The following RYK variants were observed in gnomAD, a reference collection of about 807,000 sequenced individuals.
RYK encodes inactive tyrosine-protein kinase RYK.
A neutral mutation model predicts 70.2 loss-of-function variants in RYK; 21 were observed. The ratio of observed to expected loss-of-function variants is 0.30; its 90% CI spans 0.21 to 0.43. The LOEUF (loss-of-function observed/expected upper bound fraction) is 0.43. Among genes scored for constraint, RYK ranks in the 20% least tolerant of loss-of-function variants. The probability of loss-of-function intolerance (pLI) is 1.00; values close to 1 mark genes in which losing one functional copy is unlikely to be tolerated. For synonymous variants in RYK, 267 were observed against 278.0 expected (o/e 0.96, Z 0.39); for missense variants, 604 against 753.3 (o/e 0.80, Z 2.32).
intron 13 of RYK, among the ~76,000 whole-genome samples, chr3:134,174,141 A>G (rs1468479661): frequency 6.6e-6 from 1 of 152,228 alleles, no homozygotes; most frequent in African/African-American, 2.4e-5. Flanking sequence ...ATGGAACCGC[A>G]AGCCAAAGAA....
At chr3:134,216,577 T>C (rs1327084519) in intron 2 of RYK, among the ~76,000 whole-genome samples, 3 of 151,318 alleles carry the variant, frequency 2.0e-5, no homozygotes, top group Admixed American at 6.6e-5. Flanking sequence ...TGGATCACGA[T>C]GTGAGGAAAT....
intron 12 of RYK, 77 bp from the exon 13 acceptor site, chr3:134,175,845 C>A: frequency 6.4e-7 from 1 of 1,556,970 alleles, no homozygotes; most frequent in African/African-American, 1.4e-5. Flanking sequence ...TTAAATACAA[C>A]ACAAGTCCCA....
intron 1 of RYK, among the ~76,000 whole-genome samples, chr3:134,229,708 T>C (rs1397287141): frequency 1.3e-5 from 2 of 151,776 alleles, no homozygotes; most frequent in East Asian, 1.9e-4. Flanking sequence ...CTAGAATATA[T>C]AAAGAACCAA....
At chr3:134,190,511 C>T (rs2013610573) in intron 8 of RYK, among the ~76,000 whole-genome samples, 1 of 150,580 alleles carries the variant, frequency 6.6e-6, no homozygotes, top group South Asian at 2.1e-4. Context: ...TCCTCCATAC[C>T]CGTCAACCTA....
rs566477213 is a variant in RYK at position 134,213,826 on chromosome 3, C to G, written c.355-2219G>C. On this transcript the variant is annotated intron_variant, in intron 2 of 14. Coordinates refer to ENST00000623711, the MANE Select transcript of RYK (RefSeq NM_002958.4). ...AAGTTTATAACTTCTTTTTTTGAGA[C>G]CGAGTCTCACTCTGTCACCCAGGCT... Among the ~76,000 whole-genome samples the G allele has an allele frequency of 6.6e-5, 10 of 152,182 alleles. No individual in the cohort carries two copies. In the East Asian group the frequency reaches 1.9e-3, roughly 29 times the overall value.
At chr3:134,186,271 T>A (rs1432697740) in intron 9 of RYK, among the ~76,000 whole-genome samples, 1 of 152,268 alleles carries the variant, frequency 6.6e-6, no homozygotes, top group Non-Finnish European at 1.5e-5. Context: ...GGAGTATCTA[T>A]GAAGTCTCTG....
Position 134,175,707 on chromosome 3 carries a change from T to C in RYK, c.1477A>G (p.Met493Val), listed in dbSNP as rs772277472. Residue 493 changes from methionine (M) to valine (V), a missense_variant, in exon 13 of 15, where the codon ATG becomes GTG. By Grantham distance (21) the Met-to-Val change is conservative. Around this residue, in one of 2 missense-constraint regions of RYK, gnomAD observed 138 missense variants for 217.4 expected, o/e 0.63. Coordinates refer to ENST00000623711, the MANE Select transcript of RYK (RefSeq NM_002958.4). ...DNALSRDLFPMDYHCLGDNEN... is the reference protein window; with the variant it reads ...DNALSRDLFPVDYHCLGDNEN... ...TTGTCCCCCAGACAGTGATAGTCCA[T>C]GGGGAACAAGTCTCTGGAGAGGGCA... 2 of 1,613,944 alleles carry C rather than the reference T, an allele frequency of 1.2e-6. No individual in the cohort carries two copies. Among genetic ancestry groups the C allele is most frequent in the African/African-American group, 1.3e-5 (1 of 75,044 alleles).
chr3:134,209,911 T>C (rs1305688072), intron 3 of RYK, 82 bp from the exon 4 acceptor site: 15 of 1,058,646 alleles, frequency 1.4e-5, no homozygotes, highest in Non-Finnish European at 1.9e-5. Context: ...TTAAACATTT[T>C]AGAATTACTT....
At chr3:134,209,514 A>C (rs773351117) in intron 4 of RYK, among the ~76,000 whole-genome samples, 181 bp downstream of exon 4, 1 of 152,224 alleles carries the variant, frequency 6.6e-6, no homozygotes, top group Non-Finnish European at 1.5e-5. Context: ...ATGAGGCCTG[A>C]GTGAGATTCT....
intron 2 of RYK, 42 bp from the exon 3 acceptor site, chr3:134,211,649 CA>C: frequency 7.5e-7 from 1 of 1,332,846 alleles, no homozygotes; most frequent in Non-Finnish European, 1.1e-6. Context: ...CCTGTGATAA[CA>C]AGAAGGATAC....
At chr3:134,205,249 T>G (rs1232167009) in intron 5 of RYK, among the ~76,000 whole-genome samples, 1 of 152,132 alleles carries the variant, frequency 6.6e-6, no homozygotes. Flanking sequence ...ATATACAAGT[T>G]TGGAGTTCTG....
chr3:134,250,360 G>A, intron 1 of RYK, 63 bp downstream of exon 1: 3 of 1,085,666 alleles, frequency 2.8e-6, no homozygotes, highest in Middle Eastern at 3.5e-4. Context: ...CTGATCCGCC[G>A]GCGGCCGGAA....
intron 9 of RYK, among the ~76,000 whole-genome samples, chr3:134,185,875 G>A (rs1244304696): frequency 6.6e-6 from 1 of 151,956 alleles, no homozygotes; most frequent in African/African-American, 2.4e-5. Flanking sequence ...TTAAAGCAAA[G>A]GACACTTGAA....
chr3:134,202,508 TCAA>T, intron 6 of RYK: 2 of 462,684 alleles, frequency 4.3e-6, no homozygotes, highest in South Asian at 6.2e-5. Flanking sequence ...CACTTCTTCC[TCAA>T]CAACTAAAAA....
intron 2 of RYK, 34 bp downstream of exon 2, chr3:134,222,384 C>T (rs989148382): frequency 5.6e-6 from 9 of 1,611,562 alleles, no homozygotes; most frequent in Non-Finnish European, 7.6e-6. Context: ...CTGGGTGACC[C>T]TGTCATGATG....
intron 13 of RYK, among the ~76,000 whole-genome samples, chr3:134,169,202 G>C (rs145643865): frequency 1.3e-5 from 2 of 152,118 alleles, no homozygotes; most frequent in Non-Finnish European, 2.9e-5. Flanking sequence ...TTAAGAAAAT[G>C]CTTCTTAAAC....
rs539644731 is a variant in RYK at position 134,226,267 on chromosome 3, T to G, written c.233-3728A>C. On this transcript the variant is annotated intron_variant, in intron 1 of 14. Transcript: ENST00000623711. ...ATAAAAAGATTATTATAAACAACTT[T>G]GACAATAAAATCAACAAATTAGATG... 2.6e-5 allele frequency among the ~76,000 whole-genome samples: 4 copies of G among 152,214 alleles called. No homozygotes were observed. The East Asian group carries it at 7.7e-4, about 29-fold the overall frequency.
chr3:134,195,817 G>A (rs150919801), intron 6 of RYK, among the ~76,000 whole-genome samples: 38 of 152,162 alleles, frequency 2.5e-4, no homozygotes, highest in African/African-American at 8.7e-4. Flanking sequence ...ATGGTGACGC[G>A]TGCCTGTAGT....
chr3:134,194,265 T>A lies in RYK; in HGVS notation c.889+817A>T, dbSNP rs560372726. On this transcript the variant is annotated intron_variant, in intron 7 of 14. Coordinates refer to ENST00000623711, the MANE Select transcript of RYK (RefSeq NM_002958.4). Reference sequence around the variant, plus strand: ...TATTCACTGGAGCCTTAGTCACCTCTCATAATGAACAATTTTGTTAAATAA... The same window carrying A: ...TATTCACTGGAGCCTTAGTCACCTCACATAATGAACAATTTTGTTAAATAA... 1.6e-4 allele frequency among the ~76,000 whole-genome samples: 25 copies of A among 152,348 alleles called. 2 individuals carry two copies. The South Asian group carries it at 5.2e-3, about 32-fold the overall frequency.
Sources: allele counts gnomAD v4.1 joint callset (sites outside exome capture counted in the v4.1 genomes callset), GRCh38; gene constraint gnomAD v4.1.1; regional missense constraint gnomAD v4.1.1; transcripts MANE v1.5; gene names NCBI Gene and HGNC (gene_info 2026-07-23, HGNC 2026-07-21).